The following XG variants were observed in gnomAD, a reference collection of about 807,000 sequenced individuals.
XG encodes the protein glycoprotein Xg.
XG carries 24 observed loss-of-function variants against 25.7 expected under a neutral mutation model. That is an observed-to-expected ratio of 0.93 (90% CI 0.68 to 1.31). The LOEUF (loss-of-function observed/expected upper bound fraction) is 1.31, where lower values mean the gene tolerates loss of function less well. Among genes scored for constraint, XG ranks in the 40% most tolerant of loss-of-function variants. The pLI is 0.00. For missense variants in XG, 181 were observed against 187.6 expected (o/e 0.96, Z 0.21); for synonymous variants, 77 against 69.2 (o/e 1.11, Z -0.56).
chrX:2,808,258 G>A lies in XG; in HGVS notation c.454+38G>A, dbSNP rs202232892. ...CTCACCCGGTCCCAACCTTTAATAAGAGCACACTCTCCTAGATCAGTGCTG... is the reference window on the plus strand; with the variant it reads ...CTCACCCGGTCCCAACCTTTAATAAAAGCACACTCTCCTAGATCAGTGCTG... On this transcript the variant is annotated intron_variant, in intron 9 of 10. Coordinates refer to ENST00000644266, the MANE Select transcript of XG (RefSeq NM_001141919.2). 3.0e-3 allele frequency: 3,545 copies of A among 1,200,594 alleles called. 5 individuals carry two copies. Among genetic ancestry groups the A allele is most frequent in the Non-Finnish European group, 3.5e-3 (3,112 of 887,162 alleles).
intron 1 of XG, among the ~76,000 whole-genome samples, chrX:2,762,672 C>T (rs1044198443): frequency 1.1e-4 from 17 of 152,326 alleles, no homozygotes; most frequent in African/African-American, 3.4e-4. Context: ...ACAAGCCCCC[C>T]GGGAATAAGA....
chrX:2,796,976 C>T lies in XG; in HGVS notation c.323-334C>T, dbSNP rs773192001. On this transcript the variant is annotated intron_variant, in intron 6 of 10. Transcript: ENST00000644266. Reference sequence around the variant, plus strand: ...CTGCTGGAAGGTCCTCCTAATCCGGCGTCGGCGTGGCTGATCTCATATCAG... The same window carrying T: ...CTGCTGGAAGGTCCTCCTAATCCGGTGTCGGCGTGGCTGATCTCATATCAG... Among the ~76,000 whole-genome samples, 11 of 112,212 alleles carry T rather than the reference C, an allele frequency of 9.8e-5. No individual in the cohort carries two copies. The South Asian group carries it at 2.3e-3, about 23-fold the overall frequency.
intron 4 of XG, among the ~76,000 whole-genome samples, chrX:2,785,453 T>TA (rs200718557): frequency 4.3e-5 from 4 of 92,846 alleles, no homozygotes; most frequent in African/African-American, 1.2e-4. Context: ...TTAAAAAACT[T>TA]AAAAAAATTT....
intron 4 of XG, among the ~76,000 whole-genome samples, chrX:2,788,883 T>G (rs1269720275): frequency 4.6e-5 from 5 of 107,642 alleles, no homozygotes; most frequent in Non-Finnish European, 9.6e-5. Flanking sequence ...GGCAGAAAGC[T>G]CATGGTAAAC....
chrX:2,795,372 T>G (rs2147077375), intron 6 of XG, among the ~76,000 whole-genome samples: 1 of 107,596 alleles, frequency 9.3e-6, no homozygotes, highest in South Asian at 3.9e-4. Flanking sequence ...CATATATAAT[T>G]AAATATATGC....
chrX:2,811,446 A>T lies in XG; in HGVS notation c.565A>T (p.Thr189Ser). The change falls in exon 10 of 11, where the codon ACC becomes TCC. Residue 189 changes from threonine to serine, a missense_variant. Transcript: ENST00000644266. ...KLNNRRNCFR[T>S]HEPENV ...AAACAATAGGAGAAATTGTTTCAGG[A>T]CCCATGGTAAGTTTGGCTCTAAACA... is the stretch of plus-strand genomic sequence containing the variant. The T allele has an allele frequency of 1.7e-6, 2 of 1,195,469 alleles. No individual in the cohort carries two copies. The highest frequency in any genetic ancestry group is 2.3e-6 in the Non-Finnish European group (2 of 885,225).
rs769613383 is a variant in XG at position 2,797,379 on chromosome X, A to C, written c.373+19A>C. 1 of 1,060,842 alleles carries C rather than the reference A, an allele frequency of 9.4e-7. No homozygotes were observed. Among genetic ancestry groups the C allele is most frequent in the African/African-American group, 1.9e-5 (1 of 53,696 alleles). The allele number at this position is 1,060,842 out of a possible 1,213,427, so 87.4% of individuals were successfully genotyped here. Reference sequence around the variant, plus strand: ...ACGCACGGTACCCCTACATCTGGGCATGCGATGGTGGGTGGAGGGTGGGAG... The same window carrying C: ...ACGCACGGTACCCCTACATCTGGGCCTGCGATGGTGGGTGGAGGGTGGGAG... On this transcript the variant is annotated intron_variant, in intron 7 of 10. Transcript: ENST00000644266.
At chrX:2,752,452 G>A (rs2050353728) in intron 1 of XG, 117 bp downstream of exon 1, 1 of 1,410,614 alleles carries the variant, frequency 7.1e-7, no homozygotes, top group Non-Finnish European at 9.6e-7. Flanking sequence ...TTTGCCCAAT[G>A]GGATTAGAAA....
chrX:2,782,548 G>A (rs2086740377), intron 4 of XG, among the ~76,000 whole-genome samples: 1 of 111,293 alleles, frequency 9.0e-6, no homozygotes, highest in South Asian at 3.9e-4. Flanking sequence ...TAGGGGCTTG[G>A]GAAGTGGGGA....
At chrX:2,812,208 T>C (rs1471239322) in intron 10 of XG, among the ~76,000 whole-genome samples, 1 of 111,027 alleles carries the variant, frequency 9.0e-6, no homozygotes, top group Non-Finnish European at 1.9e-5. Flanking sequence ...ATTATAAGCC[T>C]CTCTGAAATT....
chrX:2,782,231 T>A, intron 4 of XG, 103 bp downstream of exon 4: 1 of 905,377 alleles, frequency 1.1e-6, no homozygotes, highest in Non-Finnish European at 1.6e-6. Flanking sequence ...AATATGTGTG[T>A]AATAGCTCCC....
At chrX:2,756,926 G>A (rs1320849931) in intron 1 of XG, among the ~76,000 whole-genome samples, 2 of 152,196 alleles carry the variant, frequency 1.3e-5, no homozygotes, top group African/African-American at 2.4e-5. Flanking sequence ...CCATCCGCAC[G>A]TGGCTTAAGT....
intron 3 of XG, among the ~76,000 whole-genome samples, chrX:2,775,607 A>C (rs1373548142): frequency 6.6e-6 from 1 of 152,142 alleles, no homozygotes; most frequent in Non-Finnish European, 1.5e-5. Flanking sequence ...TTCACTTTTA[A>C]ATGGTTAATT....
At chrX:2,768,131 G>A (rs1332217563) in intron 1 of XG, among the ~76,000 whole-genome samples, 1 of 152,164 alleles carries the variant, frequency 6.6e-6, no homozygotes, top group Non-Finnish European at 1.5e-5. Flanking sequence ...GGGACTGGGA[G>A]GGGAGAGACA....
intron 3 of XG, among the ~76,000 whole-genome samples, chrX:2,778,415 TG>T (rs2051047663): frequency 1.3e-5 from 2 of 151,956 alleles, no homozygotes; most frequent in Non-Finnish European, 2.9e-5. Flanking sequence ...CATGGTGGCA[TG>T]CACCTCTAGT....
intron 1 of XG, among the ~76,000 whole-genome samples, chrX:2,755,990 T>C (rs1486814265): frequency 1.3e-5 from 2 of 152,168 alleles, no homozygotes; most frequent in Admixed American, 6.5e-5. Flanking sequence ...TGGCACATGT[T>C]TACCTATGTA....
intron 7 of XG, among the ~76,000 whole-genome samples, chrX:2,800,670 G>A (rs1170745834): frequency 9.0e-6 from 1 of 111,464 alleles, no homozygotes; most frequent in Non-Finnish European, 1.9e-5. Flanking sequence ...TCATGACAAA[G>A]TGCTCATTAC....
chrX:2,793,831 G>A (rs748917530), intron 5 of XG, among the ~76,000 whole-genome samples: 1 of 111,755 alleles, frequency 8.9e-6, no homozygotes, highest in African/African-American at 3.3e-5. Flanking sequence ...CACTGCCAAC[G>A]TGAGGGCTGG....
At chrX:2,778,103 G>T (rs1292413003) in intron 3 of XG, among the ~76,000 whole-genome samples, 2 of 152,158 alleles carry the variant, frequency 1.3e-5, no homozygotes, top group Admixed American at 6.5e-5. Flanking sequence ...CCCACTAAAA[G>T]AATGATTCCC....
Sources: gnomAD v4.1 joint callset for allele counts (sites outside exome capture counted in the v4.1 genomes callset) on GRCh38, gnomAD v4.1.1 for gene constraint, MANE v1.5 for transcripts, NCBI Gene and HGNC (gene_info 2026-07-23, HGNC 2026-07-21) for gene names.